DACH2: variants seen among roughly 807,000 people sequenced by gnomAD.
The protein encoded by DACH2 is dachshund homolog 2.
Under a neutral mutation model 35.8 loss-of-function variants are expected in DACH2, and 17 were observed. The ratio of observed to expected loss-of-function variants is 0.48; its 90% confidence interval spans 0.33 to 0.71. DACH2 has a LOEUF of 0.71. Among genes scored for constraint, DACH2 ranks in the 30% least tolerant of loss-of-function variants. The pLI, the probability that DACH2 is intolerant of heterozygous loss-of-function variation, is 0.02. For missense variants in DACH2, 469 were observed against 472.7 expected (o/e 0.99, Z 0.07); for synonymous variants, 195 against 177.3 (o/e 1.10, Z -0.79).
chrX:86,187,770 C>A (rs923572565), intron 1 of DACH2, among the ~76,000 whole-genome samples: 9 of 110,984 alleles, frequency 8.1e-5, no homozygotes, highest in African/African-American at 2.9e-4. Flanking sequence ...AAAACTTTTC[C>A]TCCAATTTGA....
intron 3 of DACH2, among the ~76,000 whole-genome samples, chrX:86,529,971 A>ACACG (rs1556296698): frequency 2.2e-5 from 1 of 45,134 alleles, no homozygotes; most frequent in African/African-American, 7.0e-5. Context: ...ACACACACAC[A>ACACG]CACACGCACA....
chrX:86,582,410 A>G (rs1283986109), intron 3 of DACH2, among the ~76,000 whole-genome samples: 1 of 111,419 alleles, frequency 9.0e-6, no homozygotes, highest in Non-Finnish European at 1.9e-5. Context: ...AAAAAGAGCA[A>G]TGAATTCAGG....
intron 1 of DACH2, among the ~76,000 whole-genome samples, chrX:86,207,289 A>T: frequency 9.0e-6 from 1 of 111,635 alleles, no homozygotes. Flanking sequence ...TATGTCTTAG[A>T]ACACAAATCC....
At chrX:86,356,065 T>G (rs1331738939) in intron 1 of DACH2, among the ~76,000 whole-genome samples, 1 of 111,930 alleles carries the variant, frequency 8.9e-6, no homozygotes. Context: ...ATTTCCTTTT[T>G]TTGCAATTGC....
At chrX:86,485,805 C>T (rs2038011311) in intron 2 of DACH2, among the ~76,000 whole-genome samples, 1 of 111,484 alleles carries the variant, frequency 9.0e-6, no homozygotes, top group Non-Finnish European at 1.9e-5. Flanking sequence ...AATTTATTTT[C>T]AAGAGCTTAA....
intron 6 of DACH2, among the ~76,000 whole-genome samples, chrX:86,716,783 T>C (rs776114900): frequency 8.9e-6 from 1 of 112,334 alleles, no homozygotes; most frequent in Admixed American, 9.4e-5. Context: ...ATGGAAAAGA[T>C]AATTATCTTC....
intron 3 of DACH2, among the ~76,000 whole-genome samples, chrX:86,526,533 G>GC (rs200415895): frequency 0.066 from 7,328 of 111,169 alleles, 633 homozygotes; most frequent in African/African-American, 0.23. Context: ...TATGTTCAAT[G>GC]TAGGAAAAAT....
At chrX:86,559,706 G>A (rs2039178107) in intron 3 of DACH2, among the ~76,000 whole-genome samples, 1 of 23,662 alleles carries the variant, frequency 4.2e-5, no homozygotes, top group African/African-American at 2.7e-4. Context: ...GGCCTTCTTT[G>A]TCTCTTTTGA....
At chrX:86,407,622 C>A (rs1390496298) in intron 2 of DACH2, among the ~76,000 whole-genome samples, 1 of 111,848 alleles carries the variant, frequency 8.9e-6, no homozygotes, top group Admixed American at 9.5e-5. Flanking sequence ...GGAGATAATC[C>A]ATACCCAACC....
At chrX:86,424,824 A>T (rs903929069) in intron 2 of DACH2, among the ~76,000 whole-genome samples, 1 of 111,106 alleles carries the variant, frequency 9.0e-6, no homozygotes, top group East Asian at 2.8e-4. Flanking sequence ...GTCTGCTTAT[A>T]TGGCTTTCAT....
At position 86,369,718 on chromosome X, in the gene DACH2, G is replaced by T. The variant is rs902158761; in HGVS notation, c.489-7106G>T. Among the ~76,000 whole-genome samples the T allele has an allele frequency of 3.6e-5, 4 of 111,270 alleles. 1 individual carries two copies. The highest frequency in any genetic ancestry group is 9.6e-5 in the Admixed American group (1 of 10,396). On this transcript the variant is annotated intron_variant, in intron 1 of 11. Transcript: ENST00000373125. Reference sequence around the variant, plus strand: ...ATGTTATAGCATTATTTATTTTCATGAATAGCTTTATAATGAATCTATATT... The same window carrying T: ...ATGTTATAGCATTATTTATTTTCATTAATAGCTTTATAATGAATCTATATT...
chrX:86,346,186 C>G (rs944608371), intron 1 of DACH2, among the ~76,000 whole-genome samples: 63 of 111,190 alleles, frequency 5.7e-4, no homozygotes, highest in African/African-American at 1.9e-3. Context: ...GTACACAGTG[C>G]ACAATAATTT....
intron 7 of DACH2, among the ~76,000 whole-genome samples, chrX:86,807,857 A>C (rs1253166388): frequency 8.9e-6 from 1 of 112,359 alleles, no homozygotes; most frequent in East Asian, 2.8e-4. Context: ...AGCACCCTGT[A>C]ATGTATCTAG....
chrX:86,304,619 T>C, intron 1 of DACH2: 1 of 166,648 alleles, frequency 6.0e-6, no homozygotes. Context: ...GCAGGACTCC[T>C]ACCTCCGTTC....
chrX:86,512,660 T>C (rs2038412319), intron 2 of DACH2, among the ~76,000 whole-genome samples: 1 of 111,932 alleles, frequency 8.9e-6, no homozygotes, highest in Non-Finnish European at 1.9e-5. Flanking sequence ...TTCTGACAAA[T>C]AGAAGGACAC....
intron 4 of DACH2, among the ~76,000 whole-genome samples, chrX:86,674,228 C>T (rs2040802143): frequency 8.9e-6 from 1 of 112,244 alleles, no homozygotes; most frequent in African/African-American, 3.2e-5. Flanking sequence ...GGACATTGTT[C>T]ATTACTCTTT....
intron 5 of DACH2, among the ~76,000 whole-genome samples, chrX:86,703,608 A>G (rs2041171890): frequency 8.9e-6 from 1 of 112,038 alleles, no homozygotes; most frequent in South Asian, 3.6e-4. Context: ...AAAAAATTGT[A>G]GCATTTCTAT....
intron 1 of DACH2, among the ~76,000 whole-genome samples, chrX:86,269,674 T>C (rs768505635): frequency 2.5e-4 from 28 of 111,367 alleles, no homozygotes; most frequent in East Asian, 1.4e-3. Flanking sequence ...AACTCAACAA[T>C]TGACTAGGTA....
At chrX:86,724,142 T>A (rs2041438805) in intron 6 of DACH2, among the ~76,000 whole-genome samples, 1 of 111,774 alleles carries the variant, frequency 8.9e-6, no homozygotes, top group Non-Finnish European at 1.9e-5. Context: ...GTTTTGTGCC[T>A]GTCATGTTTT....
Sources: allele counts gnomAD v4.1 joint callset (sites outside exome capture counted in the v4.1 genomes callset), GRCh38; gene constraint gnomAD v4.1.1; transcripts MANE v1.5; gene names NCBI Gene and HGNC (gene_info 2026-07-23, HGNC 2026-07-21).